STARD6: variants seen among roughly 807,000 people sequenced by gnomAD.
STARD6 encodes StAR related lipid transfer domain containing 6, also known as stAR-related lipid transfer protein 6.
STARD6 carries 21 observed loss-of-function variants against 22.3 expected under a neutral mutation model. The observed-to-expected ratio is 0.94, with a 90% CI of 0.67 to 1.35. The LOEUF is 1.35. Ranked by LOEUF, STARD6 falls within the 40% of genes most tolerant of loss-of-function variation. The pLI is 0.00. For synonymous variants in STARD6, 80 were observed against 88.1 expected, an observed-to-expected ratio of 0.91 and a Z score of 0.52; for missense variants, 269 against 266.9, an observed-to-expected ratio of 1.01 and a Z score of -0.05.
At chr18:54,355,027 C>T (rs2089131789) in intron 2 of STARD6, among the ~76,000 whole-genome samples, 1 of 152,184 alleles carries the variant, frequency 6.6e-6, no homozygotes, top group Non-Finnish European at 1.5e-5. Context: ...TCTTGTGAAG[C>T]ATTATGAGCT....
At chr18:54,339,044 C>CAAAAAAAAAA (rs760501311) in intron 4 of STARD6, among the ~76,000 whole-genome samples, 2 of 10,414 alleles carry the variant, frequency 1.9e-4, no homozygotes, top group African/African-American at 4.1e-4. Flanking sequence ...GAGACTCCAT[C>CAAAAAAAAAA]AAAAAAAAAA....
At chr18:54,336,473 G>A (rs1052601630) in intron 5 of STARD6, among the ~76,000 whole-genome samples, 2 of 152,086 alleles carry the variant, frequency 1.3e-5, no homozygotes, top group Admixed American at 6.5e-5. Context: ...CCACCAATGC[G>A]GAACTGTGTG....
chr18:54,331,661 C>A (rs2088865747), intron 6 of STARD6, 81 bp downstream of exon 6: 2 of 908,208 alleles, frequency 2.2e-6, no homozygotes, highest in African/African-American at 1.7e-5. Flanking sequence ...AATATAATTT[C>A]TTTGAAGCTG....
chr18:54,342,154 A>AAGCAC (rs2088974786), intron 4 of STARD6, among the ~76,000 whole-genome samples: 1 of 152,238 alleles, frequency 6.6e-6, no homozygotes, highest in African/African-American at 2.4e-5. Context: ...CGTCCTAGAA[A>AAGCAC]AGCACAAATT....
Position 54,337,258 on chromosome 18 carries a change from T to A in STARD6, c.141-7A>T. The A allele has an allele frequency of 6.2e-7, 1 of 1,604,410 alleles. No homozygotes were observed. Among genetic ancestry groups the A allele is most frequent in the Non-Finnish European group, 8.5e-7 (1 of 1,176,820 alleles). On this transcript the variant is annotated splice_polypyrimidine_tract_variant and splice_region_variant and intron_variant, in intron 4 of 7. Coordinates refer to ENST00000307844, the MANE Select transcript of STARD6 (RefSeq NM_139171.2). ...TATCCCTTCAACACGATATCTACAGTTAACAAAATAAAGAAAATTCAAAGC... is the reference window on the plus strand; with the variant it reads ...TATCCCTTCAACACGATATCTACAGATAACAAAATAAAGAAAATTCAAAGC...
In STARD6 at chr18:54,337,247, G is replaced by A. The variant is rs1339772806; in HGVS notation, c.145C>T (p.Arg49Cys). The A allele has an allele frequency of 6.2e-7, 1 of 1,608,914 alleles. No homozygotes were observed. Among genetic ancestry groups the A allele is most frequent in the East Asian group, 2.2e-5 (1 of 44,728 alleles). Reference sequence around the variant, plus strand: ...GATTCTGGAATTATCCCTTCAACACGATATCTACAGTTAACAAAATAAAGA... The same window carrying A: ...GATTCTGGAATTATCCCTTCAACACAATATCTACAGTTAACAAAATAAAGA... ...ASRKFHGNLY[R>C]VEGIIPESPA... Residue 49 changes from arginine to cysteine, a missense_variant, in exon 5 of 8, where the codon CGT becomes TGT. Transcript: ENST00000307844.
chr18:54,343,370 G>C (rs1290370364), intron 4 of STARD6, among the ~76,000 whole-genome samples: 1 of 136,822 alleles, frequency 7.3e-6, no homozygotes, highest in Non-Finnish European at 1.6e-5. Context: ...GGAGGGAGGT[G>C]GGGGGTCAGC....
At chr18:54,352,257 A>C (rs1192272493) in intron 4 of STARD6, among the ~76,000 whole-genome samples, 3 of 151,984 alleles carry the variant, frequency 2.0e-5, no homozygotes, top group African/African-American at 7.3e-5. Flanking sequence ...GTAGCCCTGA[A>C]TGATCTTTTT....
chr18:54,353,572 A>T (rs1032530789), intron 4 of STARD6, among the ~76,000 whole-genome samples: 6 of 152,180 alleles, frequency 3.9e-5, no homozygotes, highest in Non-Finnish European at 8.8e-5. Flanking sequence ...AGGCGGAAGG[A>T]CTGCTTGAGC....
At chr18:54,348,263 C>T (rs1030357916) in intron 4 of STARD6, among the ~76,000 whole-genome samples, 2 of 152,104 alleles carry the variant, frequency 1.3e-5, no homozygotes, top group African/African-American at 4.8e-5. Flanking sequence ...ATGTCTGCCT[C>T]AGAAGGTAGA....
At chr18:54,342,423 G>GTCTCCGTCTCCCTCTCCCTCTCCC (rs1555681159) in intron 4 of STARD6, among the ~76,000 whole-genome samples, 15 of 118,230 alleles carry the variant, frequency 1.3e-4, no homozygotes, top group African/African-American at 5.5e-4. Flanking sequence ...AATGCTCTCC[G>GTCTCCGTCTCCCTCTCCCTCTCCC]TCTCCCTCTC....
chr18:54,350,261 G>T (rs1317727485), intron 4 of STARD6, among the ~76,000 whole-genome samples: 1 of 151,990 alleles, frequency 6.6e-6, no homozygotes, highest in Non-Finnish European at 1.5e-5. Context: ...TTTCATGTTT[G>T]TTGGCCATTT....
chr18:54,338,962 C>T (rs906645045), intron 4 of STARD6, among the ~76,000 whole-genome samples: 16 of 137,224 alleles, frequency 1.2e-4, no homozygotes, highest in African/African-American at 2.4e-4. Flanking sequence ...GCAGGAGAAT[C>T]GCTTGAACCC....
At chr18:54,336,199 G>T (rs554905137) in intron 5 of STARD6, among the ~76,000 whole-genome samples, 4 of 152,108 alleles carry the variant, frequency 2.6e-5, no homozygotes, top group African/African-American at 9.6e-5. Context: ...ATTTAACTGA[G>T]ATAATGTATT....
intron 4 of STARD6, among the ~76,000 whole-genome samples, chr18:54,342,472 T>A (rs2088980553): frequency 8.0e-6 from 1 of 125,572 alleles, no homozygotes; most frequent in South Asian, 2.4e-4. Flanking sequence ...TCCCTCCCTC[T>A]CCGTCTCCGT....
chr18:54,350,831 C>A (rs1262333710), intron 4 of STARD6, among the ~76,000 whole-genome samples: 3 of 152,100 alleles, frequency 2.0e-5, no homozygotes, highest in African/African-American at 7.2e-5. Flanking sequence ...TATTCTGTTC[C>A]ATTGATCTAC....
At chr18:54,353,654 G>C (rs2089117530) in intron 4 of STARD6, among the ~76,000 whole-genome samples, 1 of 152,176 alleles carries the variant, frequency 6.6e-6, no homozygotes, top group African/African-American at 2.4e-5. Flanking sequence ...GCAAGACCCT[G>C]TCTCAAGAAA....
intron 4 of STARD6, among the ~76,000 whole-genome samples, chr18:54,345,346 A>T (rs1317682053): frequency 6.6e-6 from 1 of 151,966 alleles, no homozygotes; most frequent in African/African-American, 2.4e-5. Context: ...TGTTAGAGTA[A>T]AATAAAAAAA....
chr18:54,351,282 A>G (rs769937050), intron 4 of STARD6, among the ~76,000 whole-genome samples: 14 of 152,176 alleles, frequency 9.2e-5, no homozygotes, highest in Non-Finnish European at 1.8e-4. Context: ...CAGCTTGGTC[A>G]CTGTTGCTGC....
Sources: gnomAD v4.1 joint callset for allele counts (sites outside exome capture counted in the v4.1 genomes callset) on GRCh38, gnomAD v4.1.1 for gene constraint, MANE v1.5 for transcripts, NCBI Gene and HGNC (gene_info 2026-07-23, HGNC 2026-07-21) for gene names.